CLIC5: variants seen among roughly 807,000 people sequenced by gnomAD.
The protein encoded by CLIC5 is CLIC family member 5, also known as chloride intracellular channel protein 5.
A neutral mutation model predicts 24.7 loss-of-function variants in CLIC5; 20 were observed. The ratio of observed to expected loss-of-function variants is 0.81; its 90% CI spans 0.57 to 1.18. The LOEUF is 1.18. CLIC5 is among the 50% of genes most tolerant of loss of function. CLIC5 has a pLI of 0.00. For synonymous variants in CLIC5, 159 were observed against 135.6 expected (o/e 1.17, Z -1.20); for missense variants, 341 against 326.1 (o/e 1.05, Z -0.35).
At chr6:45,903,343 C>CGGAGGTTTCCTGCAG in intron 5 of CLIC5, 88 bp from the exon 6 acceptor site, 3 of 1,239,968 alleles carry the variant, frequency 2.4e-6, no homozygotes, top group Non-Finnish European at 3.3e-6. Flanking sequence ...TGTGTGTGCA[C>CGGAGGTTTCCTGCAG]TGCAGGAAAC....
chr6:45,966,219 T>C (rs754561112), intron 1 of CLIC5, among the ~76,000 whole-genome samples: 4 of 152,212 alleles, frequency 2.6e-5, no homozygotes, highest in Non-Finnish European at 5.9e-5. Flanking sequence ...ATTAGGGTCA[T>C]GTACATCTGA....
chr6:46,086,360 C>T, the CLIC5 span, among the ~76,000 whole-genome samples: 5 of 152,178 alleles, frequency 3.3e-5, no homozygotes, highest in African/African-American at 9.7e-5. Flanking sequence ...AGCTGTAGAC[C>T]GGAGCTGTTG....
At chr6:46,048,041 C>G (rs1353978029) in intron 1 of CLIC5, among the ~76,000 whole-genome samples, 8 of 146,154 alleles carry the variant, frequency 5.5e-5, no homozygotes, top group Non-Finnish European at 1.0e-4. Context: ...CTCACTCTGT[C>G]CCCTAGGCTG....
chr6:45,996,232 A>G (rs950121626), intron 1 of CLIC5, among the ~76,000 whole-genome samples: 12 of 152,154 alleles, frequency 7.9e-5, no homozygotes, highest in Non-Finnish European at 1.2e-4. Context: ...TTAGAAAGCC[A>G]GTTCTTGATA....
chr6:46,087,807 C>T, the CLIC5 span, among the ~76,000 whole-genome samples: 1 of 152,148 alleles, frequency 6.6e-6, no homozygotes, highest in Admixed American at 6.5e-5. Flanking sequence ...TCCTCTGAGT[C>T]AGGGTGTTGC....
the CLIC5 span, among the ~76,000 whole-genome samples, chr6:46,086,090 C>G: frequency 6.6e-6 from 1 of 152,204 alleles, no homozygotes; most frequent in African/African-American, 2.4e-5. Flanking sequence ...TTTTTAAGCC[C>G]GTTGGAAAAG....
At chr6:45,913,253 C>T (rs1360013290) in intron 5 of CLIC5, among the ~76,000 whole-genome samples, 2 of 152,030 alleles carry the variant, frequency 1.3e-5, no homozygotes, top group Non-Finnish European at 2.9e-5. Flanking sequence ...TATAAGCATG[C>T]GTAAAATAGA....
chr6:45,913,822 A>C, intron 5 of CLIC5: 1 of 1,231,452 alleles, frequency 8.1e-7, no homozygotes, highest in Non-Finnish European at 1.0e-6. Flanking sequence ...TCTGTGCACA[A>C]AGAAAAAATG....
At chr6:46,069,949 T>A (rs1308999369) in intron 1 of CLIC5, among the ~76,000 whole-genome samples, 1 of 152,146 alleles carries the variant, frequency 6.6e-6, no homozygotes, top group Non-Finnish European at 1.5e-5. Flanking sequence ...ACTCATCACA[T>A]ACACAGAACT....
intron 1 of CLIC5, chr6:46,014,393 A>C (rs751987815): frequency 2.6e-5 from 4 of 152,172 alleles, no homozygotes; most frequent in Non-Finnish European, 4.4e-5. Context: ...TCCAGGGAAT[A>C]TTTATGCCTT....
chr6:45,966,304 A>G (rs576764130), intron 1 of CLIC5, among the ~76,000 whole-genome samples: 23 of 152,302 alleles, frequency 1.5e-4, no homozygotes, highest in African/African-American at 4.1e-4. Context: ...GAGCTCGAAA[A>G]TTCCACACAA....
chr6:46,129,522 G>C, the CLIC5 span: 1 of 152,202 alleles, frequency 6.6e-6, no homozygotes, highest in Admixed American at 6.5e-5. Flanking sequence ...CCCGGTAAAG[G>C]TGCTCGCTTA....
intron 1 of CLIC5, among the ~76,000 whole-genome samples, chr6:46,023,544 G>A (rs1008379957): frequency 1.6e-4 from 24 of 152,136 alleles, no homozygotes; most frequent in Non-Finnish European, 2.5e-4. Flanking sequence ...GGCTAGGGTT[G>A]GGGATTCTGG....
chr6:45,915,015 C>T (rs530145484), intron 4 of CLIC5, among the ~76,000 whole-genome samples: 13 of 151,790 alleles, frequency 8.6e-5, no homozygotes, highest in South Asian at 4.2e-4. Flanking sequence ...CTGCAACCTC[C>T]GACTCCCTGG....
chr6:45,891,551 G>A (rs966193895), intron 6 of CLIC5, among the ~76,000 whole-genome samples: 8 of 118,866 alleles, frequency 6.7e-5, no homozygotes, highest in East Asian at 2.7e-4. Flanking sequence ...CAGGGGAATC[G>A]TTTGAACCCG....
chr6:45,915,538 GT>G (rs1054923563), intron 4 of CLIC5, among the ~76,000 whole-genome samples: 1 of 152,096 alleles, frequency 6.6e-6, no homozygotes, highest in Non-Finnish European at 1.5e-5. Context: ...AGGGAAGCTT[GT>G]TCTAAAAATC....
intron 5 of CLIC5, among the ~76,000 whole-genome samples, chr6:45,907,723 G>T (rs1434761613): frequency 1.3e-5 from 2 of 151,788 alleles, no homozygotes; most frequent in African/African-American, 2.4e-5. Flanking sequence ...GTATGTTCAG[G>T]GTTTCAATTT....
chr6:46,000,039 C>T lies in CLIC5; in HGVS notation c.63+15441G>A, dbSNP rs1239869146. ...TGCTGGGATTACAGGCGTGAGCCAC[C>T]GCGCCCGGCCTTCCTTGTGGTTTTT... is the stretch of plus-strand genomic sequence containing the variant. On this transcript the variant is annotated intron_variant, in intron 1 of 5. Transcript: ENST00000339561. Among the ~76,000 whole-genome samples, 92 of 25,730 alleles carry T rather than the reference C, an allele frequency of 3.6e-3. 32 individuals are homozygous for T. Among genetic ancestry groups the T allele is most frequent in the Non-Finnish European group, 1.1e-3 (15 of 13,564 alleles). The allele number at this position is 25,730 out of a possible 152,430, so 16.9% of individuals were successfully genotyped here.
At position 45,949,295 on chromosome 6, in the gene CLIC5, T is replaced by C. The variant is rs1158659342; in HGVS notation, c.260A>G (p.Lys87Arg). The C allele has an allele frequency of 2.5e-6, 4 of 1,613,986 alleles. No individual in the cohort carries two copies. Among genetic ancestry groups the C allele is most frequent in the Non-Finnish European group, 3.4e-6 (4 of 1,179,888 alleles). Residue 87 changes from lysine (K) to arginine (R), a missense_variant, in exon 3 of 6, where the codon AAG becomes AGG. Transcript: ENST00000339561. ...GGTCTCCTCCAGGAACTCCTCGATC[T>C]TATTGACGTCTGTCTTCACGTCCCC... ...FNGDVKTDVN[K>R]IEEFLEETLT... is the part of the protein sequence containing the mutation.
Sources: gnomAD v4.1 joint callset for allele counts (sites outside exome capture counted in the v4.1 genomes callset) on GRCh38, gnomAD v4.1.1 for gene constraint, MANE v1.5 for transcripts, NCBI Gene and HGNC (gene_info 2026-07-23, HGNC 2026-07-21) for gene names.